The following RSPO2 variants were observed in gnomAD, a reference collection of about 807,000 sequenced individuals.
RSPO2 encodes R-spondin-2.
RSPO2 carries 14 observed loss-of-function variants against 30.9 expected under a neutral mutation model. The observed-to-expected ratio is 0.45, with a 90% CI of 0.30 to 0.71. RSPO2 has a LOEUF of 0.71. Ranked by LOEUF, RSPO2 falls within the 30% of genes least tolerant of loss-of-function variation. The pLI, the probability that RSPO2 is intolerant of heterozygous loss-of-function variation, is 0.08. For synonymous variants in RSPO2, 107 were observed against 96.4 expected, an observed-to-expected ratio of 1.11 and a Z score of -0.64; for missense variants, 264 against 301.9, an observed-to-expected ratio of 0.87 and a Z score of 0.93.
chr8:108,028,876 G>T (rs1227977949), intron 2 of RSPO2, among the ~76,000 whole-genome samples: 1 of 151,940 alleles, frequency 6.6e-6, no homozygotes, highest in Non-Finnish European at 1.5e-5. Context: ...TGTAAACTTG[G>T]CCTCTATCAC....
chr8:108,052,561 C>T (rs1279914624), intron 2 of RSPO2, among the ~76,000 whole-genome samples: 1 of 151,988 alleles, frequency 6.6e-6, no homozygotes, highest in African/African-American at 2.4e-5. Context: ...TATTAATAAC[C>T]TGTTATGGGA....
At chr8:108,022,737 C>T (rs1438905278) in intron 2 of RSPO2, among the ~76,000 whole-genome samples, 1 of 151,906 alleles carries the variant, frequency 6.6e-6, no homozygotes, top group African/African-American at 2.4e-5. Flanking sequence ...ACCAGCCTGA[C>T]CAACATGGAG....
intron 5 of RSPO2, among the ~76,000 whole-genome samples, chr8:107,909,409 C>A (rs981071445): frequency 6.6e-6 from 1 of 151,950 alleles, no homozygotes; most frequent in African/African-American, 2.4e-5. Flanking sequence ...ATTACAGGCA[C>A]ATGCCACCAT....
intron 5 of RSPO2, among the ~76,000 whole-genome samples, chr8:107,925,183 T>A (rs1418347594): frequency 6.6e-6 from 1 of 151,806 alleles, no homozygotes; most frequent in Non-Finnish European, 1.5e-5. Context: ...GGTAAAAGAC[T>A]ACATATTGGG....
chr8:107,970,407 C>T (rs1197798546), intron 3 of RSPO2, among the ~76,000 whole-genome samples: 1 of 152,084 alleles, frequency 6.6e-6, no homozygotes, highest in African/African-American at 2.4e-5. Context: ...AGTTTGCTGA[C>T]CCCTAGGCTA....
At chr8:107,944,558 C>A (rs896849733) in intron 5 of RSPO2, among the ~76,000 whole-genome samples, 2 of 152,080 alleles carry the variant, frequency 1.3e-5, no homozygotes, top group African/African-American at 4.8e-5. Context: ...TTCTTCTATA[C>A]CATAACACAA....
rs79379593 is a variant in RSPO2, at chr8:107,950,389, T to C, written c.616+7691A>G. ...AAGTCAAATTTTTGGCTCAATTACTTCAACCAACACAGATCTAAATAGCTT... is the reference window on the plus strand; with the variant it reads ...AAGTCAAATTTTTGGCTCAATTACTCCAACCAACACAGATCTAAATAGCTT... On this transcript the variant is annotated intron_variant, in intron 5 of 5. Transcript: ENST00000276659. Among the ~76,000 whole-genome samples the C allele has an allele frequency of 4.3e-3, 652 of 152,278 alleles. 5 individuals are homozygous for C. The highest frequency in any genetic ancestry group is 0.012 in the African/African-American group (484 of 41,564).
At chr8:108,064,337 A>G (rs2130711133) in intron 2 of RSPO2, among the ~76,000 whole-genome samples, 1 of 152,358 alleles carries the variant, frequency 6.6e-6, no homozygotes, top group East Asian at 1.9e-4. Flanking sequence ...CAAGAAAAAA[A>G]CAACCCCATC....
intron 2 of RSPO2, among the ~76,000 whole-genome samples, chr8:107,996,584 GT>G (rs1815033011): frequency 6.6e-6 from 1 of 152,162 alleles, no homozygotes; most frequent in South Asian, 2.1e-4. Flanking sequence ...TAAGGAGGAG[GT>G]TCACTGTCCT....
chr8:108,062,252 GT>G (rs1425192838), intron 2 of RSPO2, among the ~76,000 whole-genome samples: 1 of 151,758 alleles, frequency 6.6e-6, no homozygotes, highest in East Asian at 1.9e-4. Flanking sequence ...CCAGGAACTG[GT>G]TTTTTGAAAA....
chr8:108,063,143 A>T (rs1370467193), intron 2 of RSPO2, among the ~76,000 whole-genome samples: 1 of 151,818 alleles, frequency 6.6e-6, no homozygotes, highest in East Asian at 1.9e-4. Context: ...GCCCTCTCTC[A>T]CCACTCCTAT....
chr8:108,027,771 T>C (rs2130626461), intron 2 of RSPO2, among the ~76,000 whole-genome samples: 1 of 152,298 alleles, frequency 6.6e-6, no homozygotes, highest in South Asian at 2.1e-4. Flanking sequence ...ATATTTTATT[T>C]CACCCCTAAT....
chr8:108,032,755 T>C (rs1185490957), intron 2 of RSPO2, among the ~76,000 whole-genome samples: 1 of 152,048 alleles, frequency 6.6e-6, no homozygotes, highest in Non-Finnish European at 1.5e-5. Context: ...CTCAGCCTCC[T>C]GAGTAGCTAC....
chr8:107,917,775 A>C (rs963637425), intron 5 of RSPO2, among the ~76,000 whole-genome samples: 1 of 152,186 alleles, frequency 6.6e-6, no homozygotes, highest in African/African-American at 2.4e-5. Context: ...GAACTCCCAT[A>C]ATTCTGATGA....
chr8:108,063,842 T>C (rs954426874), intron 2 of RSPO2, among the ~76,000 whole-genome samples: 3 of 152,012 alleles, frequency 2.0e-5, no homozygotes, highest in East Asian at 1.9e-4. Flanking sequence ...TATAGACCAA[T>C]GGAACAGAAC....
chr8:108,074,317 G>T (rs967498126), intron 2 of RSPO2, among the ~76,000 whole-genome samples: 14 of 152,116 alleles, frequency 9.2e-5, no homozygotes, highest in Admixed American at 8.5e-4. Context: ...AAAAATAAGA[G>T]ATATTTAATA....
At chr8:107,963,199 T>C (rs1051153117) in intron 3 of RSPO2, among the ~76,000 whole-genome samples, 6 of 149,984 alleles carry the variant, frequency 4.0e-5, no homozygotes, top group South Asian at 2.1e-4. Flanking sequence ...AGGTGAAGTA[T>C]AAGTAATGAC....
chr8:107,905,389 G>C (rs1261120609), intron 5 of RSPO2, among the ~76,000 whole-genome samples: 1 of 151,994 alleles, frequency 6.6e-6, no homozygotes, highest in East Asian at 1.9e-4. Context: ...GTAATACATG[G>C]ACATACCTAC....
In RSPO2 at chr8:107,983,123, G is replaced by A. The variant is rs1814508353; in HGVS notation, c.283+5933C>T. ...GCCGCTTACCCCAGGGTCTATGGAA[G>A]TAATGAAGGACCCCTCAACCTGGCT... On this transcript the variant is annotated intron_variant, in intron 3 of 5. Coordinates refer to ENST00000276659, the MANE Select transcript of RSPO2 (RefSeq NM_178565.5). The A allele has an allele frequency of 2.8e-6, 4 of 1,447,690 alleles. No individual in the cohort carries two copies. The South Asian group carries it at 4.0e-5, about 14-fold the overall frequency. The allele number at this position is 1,447,690 out of a possible 1,614,324, so 89.7% of individuals were successfully genotyped here.
Sources: gnomAD v4.1 joint callset for allele counts (sites outside exome capture counted in the v4.1 genomes callset) on GRCh38, gnomAD v4.1.1 for gene constraint, MANE v1.5 for transcripts, NCBI Gene and HGNC (gene_info 2026-07-23, HGNC 2026-07-21) for gene names.